Variants in SPHKAP observed in about 807,000 individuals in gnomAD.
The protein encoded by SPHKAP is SPHK1 interactor, AKAP domain containing, also known as A-kinase anchor protein SPHKAP.
SPHKAP carries 67 observed loss-of-function variants against 137.5 expected under a neutral mutation model. That is an observed-to-expected ratio of 0.49 (90% CI 0.40 to 0.60). SPHKAP has a LOEUF of 0.60. Ranked by LOEUF, SPHKAP falls within the 20% of genes least tolerant of loss-of-function variation. The pLI is 0.00. For synonymous variants in SPHKAP, 813 were observed against 785.3 expected (o/e 1.04, Z -0.59); for missense variants, 2,097 against 2,069.3 (o/e 1.01, Z -0.26).
intron 6 of SPHKAP, among the ~76,000 whole-genome samples, chr2:228,021,055 C>T (rs1007629093): frequency 6.6e-6 from 1 of 152,102 alleles, no homozygotes; most frequent in African/African-American, 2.4e-5. Context: ...TGAGACTTGT[C>T]CCAGGGACAG....
intron 1 of SPHKAP, among the ~76,000 whole-genome samples, chr2:228,150,876 A>C (rs1334363459): frequency 2.0e-5 from 3 of 151,942 alleles, no homozygotes; most frequent in African/African-American, 7.2e-5. Context: ...TCAGCCTCCC[A>C]GTAGTTGGCA....
intron 3 of SPHKAP, among the ~76,000 whole-genome samples, chr2:228,044,260 C>G (rs940987437): frequency 2.0e-5 from 3 of 152,152 alleles, no homozygotes; most frequent in African/African-American, 7.2e-5. Context: ...ACTAAAGGCA[C>G]AACTTGAGTG....
chr2:228,049,542 C>T (rs896698941), intron 3 of SPHKAP, among the ~76,000 whole-genome samples: 2 of 116,262 alleles, frequency 1.7e-5, no homozygotes, highest in African/African-American at 6.8e-5. Context: ...TTAAGGAGTG[C>T]ATGTGCACCT....
chr2:228,055,396 G>A (rs1421215860), intron 3 of SPHKAP, among the ~76,000 whole-genome samples: 1 of 152,100 alleles, frequency 6.6e-6, no homozygotes, highest in Non-Finnish European at 1.5e-5. Flanking sequence ...GTAATTAACA[G>A]CATCACCACC....
intron 2 of SPHKAP, among the ~76,000 whole-genome samples, chr2:228,116,960 G>C (rs1353150799): frequency 6.6e-6 from 1 of 152,006 alleles, no homozygotes. Flanking sequence ...GCTCCCTGAA[G>C]TTTTCATCAA....
chr2:228,173,048 G>A, intron 1 of SPHKAP: 1 of 985,386 alleles, frequency 1.0e-6, no homozygotes, highest in Non-Finnish European at 1.2e-6. Flanking sequence ...AATTTGGTAG[G>A]GTTTCCAGGT....
intron 1 of SPHKAP, among the ~76,000 whole-genome samples, chr2:228,162,785 G>A (rs1447148903): frequency 7.2e-5 from 11 of 152,132 alleles, no homozygotes; most frequent in East Asian, 1.9e-4. Context: ...AGCCACCTCC[G>A]CCTCCCGGGT....
chr2:228,155,636 A>G (rs1700086960), intron 1 of SPHKAP, among the ~76,000 whole-genome samples: 1 of 152,156 alleles, frequency 6.6e-6, no homozygotes, highest in South Asian at 2.1e-4. Context: ...TTGGCATAGC[A>G]GGTTTATGCT....
At chr2:228,134,155 A>C (rs187666627) in intron 1 of SPHKAP, among the ~76,000 whole-genome samples, 143 of 150,470 alleles carry the variant, frequency 9.5e-4, no homozygotes, top group Admixed American at 8.9e-3. Context: ...AGAAAGAGGA[A>C]GAAAAGGAAG....
intron 1 of SPHKAP, among the ~76,000 whole-genome samples, chr2:228,140,864 T>G (rs1245672602): frequency 1.3e-5 from 2 of 152,122 alleles, no homozygotes; most frequent in African/African-American, 2.4e-5. Flanking sequence ...TTGTCTCCCA[T>G]CATGATTATA....
At chr2:228,010,557 C>T (rs945918981) in intron 7 of SPHKAP, among the ~76,000 whole-genome samples, 5 of 151,998 alleles carry the variant, frequency 3.3e-5, no homozygotes, top group Admixed American at 6.6e-5. Flanking sequence ...CAATTGTTCA[C>T]GGATGGAGGG....
intron 7 of SPHKAP, among the ~76,000 whole-genome samples, chr2:228,008,260 C>T (rs1322637769): frequency 6.6e-6 from 1 of 150,786 alleles, no homozygotes. Context: ...ACCCACAATC[C>T]ATCTAGATTT....
intron 1 of SPHKAP, among the ~76,000 whole-genome samples, chr2:228,147,910 G>T (rs1476038311): frequency 6.6e-6 from 1 of 152,078 alleles, no homozygotes; most frequent in Non-Finnish European, 1.5e-5. Context: ...AGTGCAACTT[G>T]ATTTACTCAG....
chr2:228,086,330 C>T (rs965961842), intron 3 of SPHKAP, among the ~76,000 whole-genome samples: 2 of 134,044 alleles, frequency 1.5e-5, no homozygotes, highest in African/African-American at 5.7e-5. Context: ...TCCCCTGCCT[C>T]CCCTCTTCCC....
Position 228,016,453 on chromosome 2 carries a change from A to T in SPHKAP, c.4401T>A (p.Asp1467Glu). ...EGHSNDKNIP[D>E]VVRGGDTAVS... is the part of the protein sequence containing the mutation. ...CGGCTGTGTCTCCACCTCTCACCACATCTGGGATGTTTTTGTCATTCGAAT... is the reference window on the plus strand; with the variant it reads ...CGGCTGTGTCTCCACCTCTCACCACTTCTGGGATGTTTTTGTCATTCGAAT... Residue 1467 changes from aspartate (D) to glutamate (E), a missense_variant, in exon 7 of 12, where the codon GAT becomes GAA. Asp to Glu is a conservative substitution (Grantham distance 45). Transcript: ENST00000392056. 5 of 1,611,436 alleles carry T rather than the reference A, an allele frequency of 3.1e-6. No individual in the cohort carries two copies. Among genetic ancestry groups the T allele is most frequent in the Non-Finnish European group, 4.2e-6 (5 of 1,179,110 alleles).
intron 3 of SPHKAP, among the ~76,000 whole-genome samples, chr2:228,094,056 A>G (rs929153574): frequency 6.6e-6 from 1 of 152,068 alleles, no homozygotes; most frequent in African/African-American, 2.4e-5. Context: ...CCAACAATCT[A>G]AATATCTAGG....
At chr2:228,167,180 C>G (rs1345718275) in intron 1 of SPHKAP, among the ~76,000 whole-genome samples, 1 of 152,178 alleles carries the variant, frequency 6.6e-6, no homozygotes, top group East Asian at 1.9e-4. Flanking sequence ...ATAACAACTT[C>G]TCTAGTTAGG....
intron 2 of SPHKAP, among the ~76,000 whole-genome samples, chr2:228,130,369 C>T (rs572533079): frequency 6.6e-6 from 1 of 152,258 alleles, no homozygotes; most frequent in African/African-American, 2.4e-5. Flanking sequence ...TGAAGTGTGC[C>T]AAGCACTGCT....
At chr2:228,113,628 TC>T (rs1698596150) in intron 2 of SPHKAP, among the ~76,000 whole-genome samples, 3 of 144,886 alleles carry the variant, frequency 2.1e-5, no homozygotes, top group African/African-American at 8.3e-5. Flanking sequence ...TCTCTCTCTC[TC>T]TCTCTCTCTC....
Sources: gnomAD v4.1 joint callset for allele counts (sites outside exome capture counted in the v4.1 genomes callset) on GRCh38, gnomAD v4.1.1 for gene constraint, MANE v1.5 for transcripts, NCBI Gene and HGNC (gene_info 2026-07-23, HGNC 2026-07-21) for gene names.